GPAM: variants seen among roughly 807,000 people sequenced by gnomAD.
GPAM encodes glycerol-3-phosphate acyltransferase 1, mitochondrial.
Under a neutral mutation model 105.0 loss-of-function variants are expected in GPAM, and 56 were observed. That is an observed-to-expected ratio of 0.53 (90% CI 0.43 to 0.67). The LOEUF is 0.67. Ranked by LOEUF, GPAM falls within the 30% of genes least tolerant of loss-of-function variation. The pLI is 0.00. For synonymous variants in GPAM, 368 were observed against 354.4 expected (o/e 1.04, Z -0.43); for missense variants, 855 against 989.8 (o/e 0.86, Z 1.83).
upstream of GPAM, among the ~76,000 whole-genome samples, chr10:112,216,658 C>T (rs1375999566): frequency 6.6e-6 from 1 of 151,568 alleles, no homozygotes; most frequent in Non-Finnish European, 1.5e-5. Flanking sequence ...GAGTCTCACT[C>T]TGTCCCCCAG....
intron 1 of GPAM, among the ~76,000 whole-genome samples, chr10:112,210,583 A>G (rs1028433469): frequency 6.6e-6 from 1 of 152,208 alleles, no homozygotes; most frequent in Non-Finnish European, 1.5e-5. Context: ...GAAAGAATGC[A>G]TATGCTTCTG....
chr10:112,183,115 A>G (rs1188986307), intron 1 of GPAM, among the ~76,000 whole-genome samples: 1 of 152,238 alleles, frequency 6.6e-6, no homozygotes, highest in Admixed American at 6.5e-5. Flanking sequence ...TGAGGTTTAA[A>G]TCTTCCACTG....
chr10:112,218,383 G>A (rs192440639), upstream of GPAM, among the ~76,000 whole-genome samples: 124 of 152,264 alleles, frequency 8.1e-4, no homozygotes, highest in African/African-American at 2.6e-3. Context: ...CTGAAGGCTC[G>A]CCAAGTTCTC....
intron 1 of GPAM, among the ~76,000 whole-genome samples, chr10:112,198,850 A>G (rs1847757042): frequency 6.6e-6 from 1 of 152,168 alleles, no homozygotes; most frequent in African/African-American, 2.4e-5. Flanking sequence ...CCTTGAAAAA[A>G]GAAGAAAATC....
chr10:112,198,933 T>G (rs1847758295), intron 1 of GPAM, among the ~76,000 whole-genome samples: 1 of 151,962 alleles, frequency 6.6e-6, no homozygotes, highest in Admixed American at 6.5e-5. Flanking sequence ...TTGTTTTTTT[T>G]TTTGTTTTGA....
chr10:112,202,599 A>T (rs1847810589), intron 1 of GPAM, among the ~76,000 whole-genome samples: 4 of 152,240 alleles, frequency 2.6e-5, no homozygotes. Flanking sequence ...ATGACATTTT[A>T]AGCAAGGTTC....
Position 112,152,414 on chromosome 10 carries a change from A to C in GPAM, c.*1136T>G. ...AACCCATAAAAATTTGTTAAAAGTC[A>C]TGGTTTTTCCTCAAAGCTAAAAATC... On this transcript the variant is annotated 3_prime_UTR_variant, in exon 22 of 22. Coordinates refer to ENST00000348367, the MANE Select transcript of GPAM (RefSeq NM_001244949.2). 1.0e-6 allele frequency: 1 copy of C among 985,438 alleles called. No individual in the cohort carries two copies. Among genetic ancestry groups the C allele is most frequent in the Non-Finnish European group, 1.2e-6 (1 of 829,916 alleles). The allele number at this position is 985,438 out of a possible 1,614,324, so 61.0% of individuals were successfully genotyped here.
intron 1 of GPAM, among the ~76,000 whole-genome samples, chr10:112,198,242 T>C (rs1847748835): frequency 6.6e-6 from 1 of 152,192 alleles, no homozygotes; most frequent in African/African-American, 2.4e-5. Context: ...AAGGTTCCAT[T>C]GGATCCAGAT....
At chr10:112,176,974 T>C (rs1847417658) in intron 5 of GPAM, among the ~76,000 whole-genome samples, 3 of 152,190 alleles carry the variant, frequency 2.0e-5, no homozygotes, top group Admixed American at 2.0e-4. Flanking sequence ...TGGCTTTATA[T>C]ATAAAATATC....
intron 5 of GPAM, among the ~76,000 whole-genome samples, chr10:112,176,752 G>A (rs1403158725): frequency 6.6e-6 from 1 of 152,210 alleles, no homozygotes; most frequent in Non-Finnish European, 1.5e-5. Flanking sequence ...TTGTGTGTGT[G>A]TGCGCACATG....
chr10:112,160,866 T>A lies in GPAM; in HGVS notation c.1497A>T (p.Gly499=). ...ACLLLYRHRQ[G]IDLSTLVEDF... ...CTTCGACCAATGTGGAGAGATCAAT[T>A]CCCTAAAGAAAGATGGAAACGGTAT... The change falls in exon 16 of 22, where the codon GGA becomes GGT. Residue 499 remains glycine (G), a splice_region_variant and synonymous_variant. Coordinates refer to ENST00000348367, the MANE Select transcript of GPAM (RefSeq NM_001244949.2). 1 of 1,613,126 alleles carries A rather than the reference T, an allele frequency of 6.2e-7. No individual in the cohort carries two copies. Among genetic ancestry groups the A allele is most frequent in the Non-Finnish European group, 8.5e-7 (1 of 1,179,382 alleles).
At chr10:112,226,888 G>C in the GPAM span, among the ~76,000 whole-genome samples, 1 of 152,042 alleles carries the variant, frequency 6.6e-6, no homozygotes, top group South Asian at 2.1e-4. Context: ...TTTATGCCCT[G>C]GGCTTAGATT....
chr10:112,212,078 A>G (rs1358066465), intron 1 of GPAM, among the ~76,000 whole-genome samples: 5 of 152,148 alleles, frequency 3.3e-5, no homozygotes. Context: ...AATCAGGCAT[A>G]AGTGTGGAGC....
chr10:112,223,495 C>T, the GPAM span, among the ~76,000 whole-genome samples: 67 of 152,234 alleles, frequency 4.4e-4, no homozygotes, highest in Non-Finnish European at 8.1e-4. Flanking sequence ...TCACATGTTG[C>T]AGTGGAATGA....
chr10:112,164,391 T>C (rs527987008), intron 13 of GPAM, 134 bp downstream of exon 13: 10 of 676,250 alleles, frequency 1.5e-5, no homozygotes, highest in South Asian at 1.3e-4. Context: ...ATATCCCTTA[T>C]TGGACTAAGA....
chr10:112,155,996 G>A lies in GPAM; in HGVS notation c.2179C>T (p.Pro727Ser), dbSNP rs569155102. 10 of 1,612,568 alleles carry A rather than the reference G, an allele frequency of 6.2e-6. No homozygotes were observed. The East Asian group carries it at 1.3e-4, about 22-fold the overall frequency. ...FITFLQRLLGPLLEAYSSAAI... is the reference protein window; with the variant it reads ...FITFLQRLLGSLLEAYSSAAI... Reference sequence around the variant, plus strand: ...GCAGAGCTGTAGGCCTCCAGCAAAGGCCCAAGGAGTCTCTGTAAGAAGGTG... The same window carrying A: ...GCAGAGCTGTAGGCCTCCAGCAAAGACCCAAGGAGTCTCTGTAAGAAGGTG... Residue 727 changes from proline to serine, a missense_variant, in exon 20 of 22, where the codon CCT becomes TCT. Coordinates refer to ENST00000348367, the MANE Select transcript of GPAM (RefSeq NM_001244949.2).
intron 2 of GPAM, among the ~76,000 whole-genome samples, chr10:112,182,088 A>C (rs1018183634): frequency 2.0e-5 from 3 of 152,232 alleles, no homozygotes; most frequent in African/African-American, 7.2e-5. Context: ...GTATCCACAC[A>C]AAATAGCTAT....
intron 8 of GPAM, among the ~76,000 whole-genome samples, chr10:112,172,742 G>A (rs1229076303): frequency 2.0e-5 from 3 of 152,120 alleles, no homozygotes; most frequent in Non-Finnish European, 4.4e-5. Context: ...GATTTTCAGG[G>A]TTGTTGCAAG....
chr10:112,200,244 TAGAGAG>T (rs59715102), intron 1 of GPAM, among the ~76,000 whole-genome samples: 47 of 123,554 alleles, frequency 3.8e-4, no homozygotes, highest in African/African-American at 1.1e-3. Context: ...TATATATATA[TAGAGAG>T]AGAGAGAGAG....
Sources: allele counts gnomAD v4.1 joint callset (sites outside exome capture counted in the v4.1 genomes callset), GRCh38; gene constraint gnomAD v4.1.1; transcripts MANE v1.5; gene names NCBI Gene and HGNC (gene_info 2026-07-23, HGNC 2026-07-21).